TBC1D19: variants seen among roughly 807,000 people sequenced by gnomAD.
TBC1D19 encodes TBC1 domain family member 19, also known as TBC1 domain family, member 19.
Under a neutral mutation model 89.0 loss-of-function variants are expected in TBC1D19, and 60 were observed. That is an observed-to-expected ratio of 0.67 (90% CI 0.55 to 0.84). The LOEUF (loss-of-function observed/expected upper bound fraction) is 0.84. Ranked by LOEUF, TBC1D19 falls within the 40% of genes least tolerant of loss-of-function variation. The probability of loss-of-function intolerance (pLI) is 0.00; values close to 1 mark genes in which losing one functional copy is unlikely to be tolerated. For missense variants in TBC1D19, 500 were observed against 610.8 expected (o/e 0.82, Z 1.91); for synonymous variants, 189 against 199.7 (o/e 0.95, Z 0.45).
At chr4:26,718,119 A>C (rs1716756320) in intron 14 of TBC1D19, 102 bp downstream of exon 14, 2 of 792,350 alleles carry the variant, frequency 2.5e-6, no homozygotes, top group African/African-American at 1.8e-5. Context: ...ATTATTATAA[A>C]TTACTTAAGA....
chr4:26,677,466 C>A (rs1019005920), intron 11 of TBC1D19, among the ~76,000 whole-genome samples: 1 of 152,014 alleles, frequency 6.6e-6, no homozygotes, highest in Non-Finnish European at 1.5e-5. Flanking sequence ...CTACAGGTGC[C>A]CGCCACTACA....
intron 16 of TBC1D19, among the ~76,000 whole-genome samples, chr4:26,738,485 T>A (rs1448344173): frequency 1.3e-5 from 2 of 151,902 alleles, no homozygotes; most frequent in East Asian, 3.9e-4. Context: ...AATTAGAGCA[T>A]GAGTTACTAT....
the TBC1D19 span, among the ~76,000 whole-genome samples, chr4:26,827,791 G>A: frequency 1.3e-5 from 2 of 148,960 alleles, no homozygotes; most frequent in Admixed American, 1.3e-4. Flanking sequence ...GTGCAATAAT[G>A]CACACTGCAG....
chr4:26,645,209 CA>C (rs1743834340), intron 7 of TBC1D19, among the ~76,000 whole-genome samples: 1 of 152,130 alleles, frequency 6.6e-6, no homozygotes, highest in Non-Finnish European at 1.5e-5. Context: ...CAATCCTAAA[CA>C]AAAAGAACAA....
At chr4:26,775,189 C>A in the TBC1D19 span, among the ~76,000 whole-genome samples, 1 of 152,202 alleles carries the variant, frequency 6.6e-6, no homozygotes. Context: ...CAGTGGCTTA[C>A]ACCTGTAATC....
At chr4:26,754,293 G>C (rs369578863) in intron 20 of TBC1D19, 5 of 161,366 alleles carry the variant, frequency 3.1e-5, no homozygotes, top group African/African-American at 1.2e-4. Flanking sequence ...GGCTTTTTTG[G>C]TTATTTTAAA....
At chr4:26,699,698 T>C (rs1577954341) in intron 13 of TBC1D19, among the ~76,000 whole-genome samples, 3 of 151,736 alleles carry the variant, frequency 2.0e-5, no homozygotes, top group African/African-American at 7.3e-5. Flanking sequence ...AAATGATGAG[T>C]TCATGTCCTT....
At chr4:26,694,839 G>T (rs1190320347) in intron 13 of TBC1D19, among the ~76,000 whole-genome samples, 3 of 152,234 alleles carry the variant, frequency 2.0e-5, no homozygotes, top group Non-Finnish European at 2.9e-5. Context: ...GGTCCTGACT[G>T]TTAGAAGTAA....
intron 12 of TBC1D19, among the ~76,000 whole-genome samples, chr4:26,685,152 CAG>C (rs1713699355): frequency 6.6e-6 from 1 of 152,160 alleles, no homozygotes; most frequent in African/African-American, 2.4e-5. Context: ...AATAATAAAA[CAG>C]AAATGCTAAA....
At chr4:26,687,491 G>A (rs1215790933) in intron 12 of TBC1D19, among the ~76,000 whole-genome samples, 5 of 152,102 alleles carry the variant, frequency 3.3e-5, no homozygotes, top group Non-Finnish European at 5.9e-5. Context: ...GCAATCCTGG[G>A]GGAAACACAA....
chr4:26,714,484 G>C (rs1312179204), intron 13 of TBC1D19, among the ~76,000 whole-genome samples: 1 of 151,950 alleles, frequency 6.6e-6, no homozygotes, highest in Non-Finnish European at 1.5e-5. Context: ...AACAGCATTT[G>C]ATTCATTTTT....
intron 4 of TBC1D19, among the ~76,000 whole-genome samples, chr4:26,629,921 T>G (rs1742697307): frequency 6.6e-6 from 1 of 151,770 alleles, no homozygotes. Flanking sequence ...TATTGGTTGT[T>G]TTTGTTTGAT....
intron 7 of TBC1D19, among the ~76,000 whole-genome samples, chr4:26,648,865 A>G (rs555687057): frequency 2.2e-4 from 33 of 152,154 alleles, no homozygotes; most frequent in Middle Eastern, 3.4e-3. Context: ...TTTCTCCTTA[A>G]TAGCTCGTAA....
the TBC1D19 span, among the ~76,000 whole-genome samples, chr4:26,765,630 CTT>C: frequency 6.6e-6 from 1 of 152,124 alleles, no homozygotes; most frequent in South Asian, 2.1e-4. Flanking sequence ...GAGCAATAAA[CTT>C]TACTGCTGTG....
chr4:26,734,936 GTATATATGTATACACATATGTATATGTA>G (rs1199011513), intron 15 of TBC1D19, among the ~76,000 whole-genome samples: 48 of 58,756 alleles, frequency 8.2e-4, no homozygotes, highest in African/African-American at 2.0e-3. Flanking sequence ...ATATATGTGT[GTATATATGTATACACATATGTATATGTA>G]TATATGTATA....
chr4:26,846,556 GCTT>G, the TBC1D19 span, among the ~76,000 whole-genome samples: 1 of 151,932 alleles, frequency 6.6e-6, no homozygotes, highest in Non-Finnish European at 1.5e-5. Flanking sequence ...TTCATTTTGA[GCTT>G]CTTTTTGATA....
chr4:26,855,163 T>G, the TBC1D19 span, among the ~76,000 whole-genome samples: 2 of 152,194 alleles, frequency 1.3e-5, no homozygotes, highest in African/African-American at 4.8e-5. Flanking sequence ...AAGGAATTGT[T>G]GAAGGAAATC....
In TBC1D19 at chr4:26,633,125, T is replaced by C. The variant is rs146796216; in HGVS notation, c.295-4086T>C. On this transcript the variant is annotated intron_variant, in intron 4 of 20. Coordinates refer to ENST00000264866, the MANE Select transcript of TBC1D19 (RefSeq NM_018317.4). Reference sequence around the variant, plus strand: ...GTTTTCTCTAGCAGGAATTTACTGCTTTGGGCCTGATGGCTTTCACAACTT... The same window carrying C: ...GTTTTCTCTAGCAGGAATTTACTGCCTTGGGCCTGATGGCTTTCACAACTT... Among the ~76,000 whole-genome samples, 409 of 152,266 alleles carry C rather than the reference T, an allele frequency of 2.7e-3. 4 individuals carry two copies. The highest frequency in any genetic ancestry group is 9.2e-3 in the African/African-American group (383 of 41,570).
chr4:26,850,307 G>T, the TBC1D19 span, among the ~76,000 whole-genome samples: 10 of 151,920 alleles, frequency 6.6e-5, no homozygotes, highest in Non-Finnish European at 1.2e-4. Flanking sequence ...CCAGCACTTT[G>T]GGAGGCTGAG....
Sources: allele counts gnomAD v4.1 joint callset (sites outside exome capture counted in the v4.1 genomes callset), GRCh38; gene constraint gnomAD v4.1.1; transcripts MANE v1.5; gene names NCBI Gene and HGNC (gene_info 2026-07-23, HGNC 2026-07-21).